The following ANXA8 variants were observed in gnomAD, a reference collection of about 807,000 sequenced individuals.
ANXA8 encodes VAC-beta.
In ANXA8, 9 loss-of-function variants were observed where a neutral mutation model predicts 26.8. The ratio of observed to expected loss-of-function variants is 0.34; its 90% CI spans 0.20 to 0.59. The LOEUF is 0.59. Ranked by LOEUF, ANXA8 falls within the 20% of genes least tolerant of loss-of-function variation. The pLI, the probability that ANXA8 is intolerant of heterozygous loss-of-function variation, is 0.84. For missense variants in ANXA8, 83 were observed against 238.5 expected, an observed-to-expected ratio of 0.35 and a Z score of 4.29; for synonymous variants, 39 against 94.8, an observed-to-expected ratio of 0.41 and a Z score of 3.42.
At chr10:47,489,209 G>A in the ANXA8 span, among the ~76,000 whole-genome samples, 618 of 136,706 alleles carry the variant, frequency 4.5e-3, 16 homozygotes, top group African/African-American at 0.016. Flanking sequence ...TAGTAGAGAC[G>A]GGGTTTCACC....
At chr10:47,721,413 T>C in the ANXA8 span, among the ~76,000 whole-genome samples, 1 of 138,966 alleles carries the variant, frequency 7.2e-6, no homozygotes, top group Non-Finnish European at 1.6e-5. Flanking sequence ...GTATGAGGTA[T>C]TTAAGATCTC....
At chr10:47,748,486 T>C in the ANXA8 span, among the ~76,000 whole-genome samples, 2 of 152,122 alleles carry the variant, frequency 1.3e-5, no homozygotes, top group Non-Finnish European at 2.9e-5. Flanking sequence ...GTGCTGGGAT[T>C]ATAGGCGTGA....
chr10:47,697,046 A>C, the ANXA8 span, among the ~76,000 whole-genome samples: 2 of 151,744 alleles, frequency 1.3e-5, no homozygotes, highest in African/African-American at 4.8e-5. Context: ...CTCTTCTTTA[A>C]AAGAAGCTGT....
At chr10:47,718,178 A>G in the ANXA8 span, among the ~76,000 whole-genome samples, 1 of 152,280 alleles carries the variant, frequency 6.6e-6, no homozygotes, top group African/African-American at 2.4e-5. Context: ...TTTTTTTTAC[A>G]TATTTTTTTA....
chr10:47,660,752 TA>T, the ANXA8 span, among the ~76,000 whole-genome samples: 3 of 150,506 alleles, frequency 2.0e-5, no homozygotes, highest in African/African-American at 7.4e-5. Context: ...ATGGGCTTGT[TA>T]TTGCATTTGG....
At chr10:47,982,075 G>A in the ANXA8 span, among the ~76,000 whole-genome samples, 4 of 151,036 alleles carry the variant, frequency 2.6e-5, no homozygotes, top group African/African-American at 7.3e-5. Context: ...GATTGCTTGA[G>A]CCCAGAGTTT....
the ANXA8 span, among the ~76,000 whole-genome samples, chr10:47,657,327 C>A: frequency 1.3e-5 from 2 of 151,660 alleles, no homozygotes; most frequent in Non-Finnish European, 2.9e-5. Context: ...TCACCTCAAC[C>A]AGTTTATTGT....
chr10:47,581,176 G>T, the ANXA8 span: 2 of 340,398 alleles, frequency 5.9e-6, no homozygotes, highest in Admixed American at 3.9e-5. Flanking sequence ...TGGCTTTCCT[G>T]GGGTGATGGG....
the ANXA8 span, among the ~76,000 whole-genome samples, chr10:47,510,434 CAG>C: frequency 7.1e-6 from 1 of 140,376 alleles, no homozygotes; most frequent in Non-Finnish European, 1.5e-5. Flanking sequence ...TCTCAACTTC[CAG>C]AGATGATGTT....
chr10:47,909,580 CT>C, the ANXA8 span, among the ~76,000 whole-genome samples: 1 of 133,450 alleles, frequency 7.5e-6, no homozygotes, highest in Non-Finnish European at 1.6e-5. Flanking sequence ...CATAGCTGGG[CT>C]TGTCCTCTTG....
At chr10:47,739,900 C>T in the ANXA8 span, among the ~76,000 whole-genome samples, 255 of 140,072 alleles carry the variant, frequency 1.8e-3, 1 homozygote, top group African/African-American at 6.4e-3. Flanking sequence ...GGAGACCAGC[C>T]TGGACAACAT....
chr10:47,555,295 C>T, the ANXA8 span, among the ~76,000 whole-genome samples: 2 of 151,300 alleles, frequency 1.3e-5, no homozygotes, highest in Admixed American at 6.6e-5. Context: ...GGTATAGCAT[C>T]GGTGACTCTC....
chr10:47,733,297 T>TTCTTTCTTTC, the ANXA8 span, among the ~76,000 whole-genome samples: 188 of 71,152 alleles, frequency 2.6e-3, no homozygotes, highest in East Asian at 4.5e-3. Flanking sequence ...CTTTCTTTCT[T>TTCTTTCTTTC]TTTTTTCTTT....
intron 1 of ANXA8, among the ~76,000 whole-genome samples, chr10:47,483,631 GT>G (rs1839931222): frequency 7.0e-6 from 1 of 143,870 alleles, no homozygotes; most frequent in Non-Finnish European, 1.5e-5. Context: ...CCCTGCAAGG[GT>G]CCCTCCCCTG....
At chr10:47,669,751 G>T in the ANXA8 span, among the ~76,000 whole-genome samples, 1 of 151,828 alleles carries the variant, frequency 6.6e-6, no homozygotes, top group Non-Finnish European at 1.5e-5. Context: ...AACCTTATTA[G>T]TATTTTAGCA....
At chr10:47,669,461 G>A in the ANXA8 span, among the ~76,000 whole-genome samples, 1 of 151,458 alleles carries the variant, frequency 6.6e-6, no homozygotes, top group South Asian at 2.1e-4. Flanking sequence ...GCTCAGGCCT[G>A]TAATCCCAGA....
At chr10:47,724,497 G>T in the ANXA8 span, among the ~76,000 whole-genome samples, 8 of 141,128 alleles carry the variant, frequency 5.7e-5, 1 homozygote, top group Non-Finnish European at 1.2e-4. Context: ...TCCTTAGGAT[G>T]TTCTCGAATG....
chr10:47,777,976 G>A, the ANXA8 span, among the ~76,000 whole-genome samples: 26 of 151,696 alleles, frequency 1.7e-4, no homozygotes, highest in East Asian at 4.5e-3. Context: ...GTGGGTAGGG[G>A]TCGGTTGATT....
At chr10:47,524,147 A>AG in the ANXA8 span, among the ~76,000 whole-genome samples, 1 of 151,782 alleles carries the variant, frequency 6.6e-6, no homozygotes, top group African/African-American at 2.4e-5. Context: ...AGAAAAGCAC[A>AG]GGGTAGTTCA....
Sources: gnomAD v4.1 joint callset for allele counts (sites outside exome capture counted in the v4.1 genomes callset) on GRCh38, gnomAD v4.1.1 for gene constraint, MANE v1.5 for transcripts, NCBI Gene and HGNC (gene_info 2026-07-23, HGNC 2026-07-21) for gene names.